PTK2B: variants seen among roughly 807,000 people sequenced by gnomAD.
The protein encoded by PTK2B is protein-tyrosine kinase 2-beta.
In PTK2B, 71 loss-of-function variants were observed where a neutral mutation model predicts 142.9. The ratio of observed to expected loss-of-function variants is 0.50; its 90% CI spans 0.41 to 0.61. PTK2B has a LOEUF of 0.61. Among genes scored for constraint, PTK2B ranks in the 20% least tolerant of loss-of-function variants. The probability of loss-of-function intolerance (pLI) is 0.00; values close to 1 mark genes in which losing one functional copy is unlikely to be tolerated. For missense variants in PTK2B, 1,105 were observed against 1,320.4 expected, an observed-to-expected ratio of 0.84 and a Z score of 2.53; for synonymous variants, 519 against 503.4, an observed-to-expected ratio of 1.03 and a Z score of -0.42.
chr8:27,389,342 C>T (rs1243087194), intron 1 of PTK2B, among the ~76,000 whole-genome samples: 2 of 152,030 alleles, frequency 1.3e-5, no homozygotes, highest in East Asian at 3.9e-4. Flanking sequence ...GGAAGACACT[C>T]CAGCCAAAAG....
chr8:27,341,084 GAC>G (rs1804370010), intron 1 of PTK2B, among the ~76,000 whole-genome samples: 1 of 152,174 alleles, frequency 6.6e-6, no homozygotes, highest in African/African-American at 2.4e-5. Context: ...TCGGGATGAT[GAC>G]ACACAGAGGA....
At chr8:27,346,240 A>G (rs1037253879) in intron 1 of PTK2B, among the ~76,000 whole-genome samples, 1 of 152,208 alleles carries the variant, frequency 6.6e-6, no homozygotes, top group Non-Finnish European at 1.5e-5. Flanking sequence ...TTTTCTTAAA[A>G]GTACTTGCTT....
At chr8:27,385,748 C>T (rs1586208369) in intron 1 of PTK2B, among the ~76,000 whole-genome samples, 1 of 152,150 alleles carries the variant, frequency 6.6e-6, no homozygotes, top group African/African-American at 2.4e-5. Context: ...CAAAAAATAG[C>T]TGGGTATGGG....
At position 27,397,698 on chromosome 8, in the gene PTK2B, G is replaced by T. The variant is rs1460871938; in HGVS notation, c.114G>T (p.Val38=). Residue 38 remains valine, a synonymous_variant, in exon 2 of 31, where the codon GTG becomes GTT. Coordinates refer to ENST00000346049, the MANE Select transcript of PTK2B (RefSeq NM_173176.3). ...VVPVDVEKED[V]RILKVCFYSN... is the part of the protein sequence containing the mutation. ...CAGTAGATGTGGAAAAGGAGGACGT[G>T]CGTATCCTCAAGGTCTGCTTCTATA... 1 of 1,614,164 alleles carries T rather than the reference G, an allele frequency of 6.2e-7. No homozygotes were observed. The highest frequency in any genetic ancestry group is 8.5e-7 in the Non-Finnish European group (1 of 1,180,058).
intron 2 of PTK2B, among the ~76,000 whole-genome samples, chr8:27,398,704 T>G (rs1808208317): frequency 6.6e-6 from 1 of 152,174 alleles, no homozygotes; most frequent in Non-Finnish European, 1.5e-5. Context: ...GCTAATCAGG[T>G]CTGAGGACAT....
At chr8:27,345,990 C>T (rs1486531503) in intron 1 of PTK2B, among the ~76,000 whole-genome samples, 2 of 152,098 alleles carry the variant, frequency 1.3e-5, no homozygotes, top group Admixed American at 6.5e-5. Flanking sequence ...AAACTCCTTG[C>T]TCCCCAAAAA....
intron 10 of PTK2B, among the ~76,000 whole-genome samples, chr8:27,432,867 C>T (rs966971148): frequency 3.3e-5 from 5 of 152,116 alleles, no homozygotes; most frequent in African/African-American, 4.8e-5. Context: ...CACTCTGTCA[C>T]CCAGGCTACA....
Position 27,438,534 on chromosome 8 carries a change from C to T in PTK2B, c.1644-497C>T, listed in dbSNP as rs187554455. Among the ~76,000 whole-genome samples the T allele has an allele frequency of 4.1e-3, 624 of 151,820 alleles. 1 individual carries two copies. The highest frequency in any genetic ancestry group is 6.6e-3 in the Non-Finnish European group (448 of 68,010). ...GCCCCATCAGAGTTAGCTGTGCTGCCGCTGCCACTCCTGCTATACCAAAGA... is the reference window on the plus strand; with the variant it reads ...GCCCCATCAGAGTTAGCTGTGCTGCTGCTGCCACTCCTGCTATACCAAAGA... On this transcript the variant is annotated intron_variant, in intron 18 of 30. Coordinates refer to ENST00000346049, the MANE Select transcript of PTK2B (RefSeq NM_173176.3).
Position 27,314,700 on chromosome 8 carries a change from A to G in PTK2B, c.-414+1413A>G, listed in dbSNP as rs1586066830. Among the ~76,000 whole-genome samples, 6 of 152,338 alleles carry G rather than the reference A, an allele frequency of 3.9e-5. 1 individual carries two copies. In the Middle Eastern group the frequency reaches 0.017, roughly 432 times the overall value. ...GAGCCCCTATCTCAGGCCGGTTCCC[A>G]CACTGTGGAGTTTACTTTCATTTTC... On this transcript the variant is annotated intron_variant, in intron 3 of 35. Coordinates refer to the PTK2B transcript ENST00000397501.
At chr8:27,322,420 C>T (rs1803239718), upstream of PTK2B, 1 of 152,204 alleles carries the variant, frequency 6.6e-6, no homozygotes, top group Non-Finnish European at 1.5e-5. Flanking sequence ...CTAGCAACTT[C>T]ATAGACGGTT....
intron 30 of PTK2B, 23 bp downstream of exon 30, chr8:27,454,634 C>T (rs1812037075): frequency 6.2e-7 from 1 of 1,609,208 alleles, no homozygotes; most frequent in East Asian, 2.2e-5. Context: ...TTCCAGACAG[C>T]ACCATAGGCT....
chr8:27,346,072 A>G (rs966475626), intron 1 of PTK2B, among the ~76,000 whole-genome samples: 1 of 152,126 alleles, frequency 6.6e-6, no homozygotes, highest in African/African-American at 2.4e-5. Context: ...CCCTCTTGCA[A>G]TTTTGAAGTT....
At chr8:27,394,824 TTTTA>T (rs1431501080) in intron 1 of PTK2B, among the ~76,000 whole-genome samples, 7 of 152,170 alleles carry the variant, frequency 4.6e-5, no homozygotes, top group African/African-American at 1.7e-4. Flanking sequence ...TTCTAAAGAT[TTTTA>T]TTTTTTATTT....
At chr8:27,405,211 G>A (rs981805399) in intron 2 of PTK2B, among the ~76,000 whole-genome samples, 1 of 152,178 alleles carries the variant, frequency 6.6e-6, no homozygotes, top group Non-Finnish European at 1.5e-5. Flanking sequence ...AAGGCGCCCA[G>A]TCAGGGTGAT....
intron 1 of PTK2B, among the ~76,000 whole-genome samples, chr8:27,350,794 A>G (rs1164411717): frequency 1.3e-5 from 2 of 150,994 alleles, no homozygotes; most frequent in Admixed American, 6.6e-5. Flanking sequence ...TCTGGCCAAC[A>G]TGGTGAAACC....
At chr8:27,358,470 A>G (rs1805512448) in intron 1 of PTK2B, among the ~76,000 whole-genome samples, 1 of 151,982 alleles carries the variant, frequency 6.6e-6, no homozygotes, top group Non-Finnish European at 1.5e-5. Context: ...CTTATTTGCT[A>G]TTTTATATAT....
At chr8:27,332,887 G>T (rs975425585) in intron 1 of PTK2B, among the ~76,000 whole-genome samples, 4 of 152,212 alleles carry the variant, frequency 2.6e-5, no homozygotes, top group African/African-American at 9.7e-5. Flanking sequence ...CCCCTAATTT[G>T]AGGAATTATA....
At chr8:27,417,142 C>G (rs1254992090) in intron 2 of PTK2B, among the ~76,000 whole-genome samples, 2 of 152,172 alleles carry the variant, frequency 1.3e-5, no homozygotes, top group Non-Finnish European at 2.9e-5. Context: ...CATTGATGTT[C>G]ATAGTAGTTC....
intron 1 of PTK2B, among the ~76,000 whole-genome samples, chr8:27,359,263 C>T (rs1805560418): frequency 6.6e-6 from 1 of 152,100 alleles, no homozygotes; most frequent in South Asian, 2.1e-4. Flanking sequence ...TACAGGCATG[C>T]ACCACAATGC....
Sources: allele counts gnomAD v4.1 joint callset (sites outside exome capture counted in the v4.1 genomes callset), GRCh38; gene constraint gnomAD v4.1.1; transcripts MANE v1.5; gene names NCBI Gene and HGNC (gene_info 2026-07-23, HGNC 2026-07-21).